Variants in FGF14 observed in about 807,000 individuals in gnomAD.
The protein encoded by FGF14 is fibroblast growth factor 14, also known as fibroblast growth factor homologous factor 4.
FGF14 carries 5 observed loss-of-function variants against 25.5 expected under a neutral mutation model. That is an observed-to-expected ratio of 0.20 (90% CI 0.10 to 0.41). The LOEUF is 0.41. Ranked by LOEUF, FGF14 falls within the 10% of genes least tolerant of loss-of-function variation. The pLI is 1.00. For synonymous variants in FGF14, 138 were observed against 118.3 expected (o/e 1.17, Z -1.08); for missense variants, 222 against 320.1 (o/e 0.69, Z 2.34).
At chr13:101,881,901 G>T (rs1335172751) in intron 1 of FGF14, among the ~76,000 whole-genome samples, 1 of 152,062 alleles carries the variant, frequency 6.6e-6, no homozygotes, top group East Asian at 1.9e-4. Flanking sequence ...GAACTTTTAT[G>T]TATCCTTCTA....
At chr13:101,757,030 C>A (rs1451216588) in intron 3 of FGF14, among the ~76,000 whole-genome samples, 1 of 152,090 alleles carries the variant, frequency 6.6e-6, no homozygotes, top group Non-Finnish European at 1.5e-5. Context: ...ACTCTGATAT[C>A]AAACCGAGAG....
At chr13:102,321,697 G>A (rs558449651) in intron 1 of FGF14, among the ~76,000 whole-genome samples, 1 of 152,180 alleles carries the variant, frequency 6.6e-6, no homozygotes, top group African/African-American at 2.4e-5. Context: ...AACTTGGGTA[G>A]GGCATACCAA....
chr13:101,999,000 T>C (rs1446352303), intron 1 of FGF14, among the ~76,000 whole-genome samples: 1 of 152,206 alleles, frequency 6.6e-6, no homozygotes, highest in Non-Finnish European at 1.5e-5. Context: ...GGTTCACCTA[T>C]TTATTAACCC....
chr13:102,037,871 G>C (rs1249897449), intron 1 of FGF14, among the ~76,000 whole-genome samples: 1 of 151,996 alleles, frequency 6.6e-6, no homozygotes, highest in Non-Finnish European at 1.5e-5. Flanking sequence ...GTACTCCCTA[G>C]AAAGTATAAA....
At chr13:102,016,309 T>A (rs1012624153) in intron 1 of FGF14, among the ~76,000 whole-genome samples, 2 of 152,138 alleles carry the variant, frequency 1.3e-5, no homozygotes, top group African/African-American at 4.8e-5. Context: ...TAACCTGCTA[T>A]CAGGATAATT....
At chr13:102,009,206 T>C (rs1277355260) in intron 1 of FGF14, among the ~76,000 whole-genome samples, 2 of 152,202 alleles carry the variant, frequency 1.3e-5, no homozygotes, top group Non-Finnish European at 2.9e-5. Flanking sequence ...AAGATCATGC[T>C]TGAAATCATA....
At chr13:101,824,577 T>A (rs540983971) in intron 3 of FGF14, among the ~76,000 whole-genome samples, 1 of 152,184 alleles carries the variant, frequency 6.6e-6, no homozygotes, top group African/African-American at 2.4e-5. Context: ...GATTTTTGAT[T>A]AAAAAATATT....
At chr13:102,275,254 C>CTCTCTT (rs779700052) in intron 1 of FGF14, among the ~76,000 whole-genome samples, 18 of 91,014 alleles carry the variant, frequency 2.0e-4, no homozygotes, top group African/African-American at 9.2e-4. Context: ...CTCTCTCTCT[C>CTCTCTT]TCTCTCTTTC....
chr13:102,191,755 T>C lies in FGF14; in HGVS notation c.208+209716A>G, dbSNP rs565575735. ...AGTACAAAGTCTCATTTAAATAGTA[T>C]CTAAATCAAATATAAGTAAGCCTTA... is the stretch of plus-strand genomic sequence containing the variant. On this transcript the variant is annotated intron_variant, in intron 1 of 4. Transcript: ENST00000376131. 2.6e-5 allele frequency among the ~76,000 whole-genome samples: 4 copies of C among 152,246 alleles called. No homozygotes were observed. The South Asian group carries it at 8.3e-4, about 32-fold the overall frequency.
chr13:102,211,273 C>CA (rs538411415), intron 1 of FGF14, among the ~76,000 whole-genome samples: 1 of 151,736 alleles, frequency 6.6e-6, no homozygotes, highest in Non-Finnish European at 1.5e-5. Context: ...ATTTTCATTC[C>CA]AAAAAAATAC....
At chr13:101,993,240 C>G (rs9513973) in intron 1 of FGF14, among the ~76,000 whole-genome samples, 3 of 149,438 alleles carry the variant, frequency 2.0e-5, no homozygotes, top group Admixed American at 2.0e-4. Flanking sequence ...ACCTGGAATT[C>G]TATATCCTGA....
chr13:101,928,398 G>A (rs1004589666), intron 1 of FGF14, among the ~76,000 whole-genome samples: 5 of 130,442 alleles, frequency 3.8e-5, no homozygotes, highest in Non-Finnish European at 6.1e-5. Context: ...TTGCTGTGGT[G>A]TGTGTGTGTG....
intron 3 of FGF14, among the ~76,000 whole-genome samples, chr13:101,768,294 T>C (rs764803654): frequency 8.5e-5 from 13 of 152,068 alleles, no homozygotes; most frequent in Non-Finnish European, 1.6e-4. Flanking sequence ...AGGAGAACTG[T>C]AAGGCTCTAA....
At chr13:102,267,937 T>C (rs921250599) in intron 1 of FGF14, among the ~76,000 whole-genome samples, 1 of 151,996 alleles carries the variant, frequency 6.6e-6, no homozygotes, top group African/African-American at 2.4e-5. Flanking sequence ...CTGATGTTTT[T>C]CATGCCTCAA....
At chr13:101,973,007 G>C (rs906249072) in intron 1 of FGF14, among the ~76,000 whole-genome samples, 2 of 152,114 alleles carry the variant, frequency 1.3e-5, no homozygotes, top group African/African-American at 4.8e-5. Context: ...TTGCTCGGTG[G>C]ATTGGACAAA....
At chr13:102,030,817 T>C (rs2041172341) in intron 1 of FGF14, among the ~76,000 whole-genome samples, 1 of 152,024 alleles carries the variant, frequency 6.6e-6, no homozygotes, top group Non-Finnish European at 1.5e-5. Context: ...TTTGTTCCCA[T>C]AAAAATCTAG....
intron 1 of FGF14, among the ~76,000 whole-genome samples, chr13:102,319,639 G>A (rs1468686136): frequency 3.9e-5 from 6 of 152,246 alleles, no homozygotes. Context: ...AATGTAAGCA[G>A]TGTCAGGAAA....
At chr13:102,395,866 A>C (rs1022779022) in intron 1 of FGF14, among the ~76,000 whole-genome samples, 7 of 152,130 alleles carry the variant, frequency 4.6e-5, no homozygotes, top group African/African-American at 1.7e-4. Context: ...TTTTGCCTTC[A>C]AGTTTAGGAA....
intron 1 of FGF14, among the ~76,000 whole-genome samples, chr13:102,102,715 G>T (rs1432851017): frequency 6.6e-6 from 1 of 152,184 alleles, no homozygotes; most frequent in Non-Finnish European, 1.5e-5. Context: ...ACTTTCATAT[G>T]CATTTTTCAT....
Sources: allele counts gnomAD v4.1 joint callset (sites outside exome capture counted in the v4.1 genomes callset), GRCh38; gene constraint gnomAD v4.1.1; transcripts MANE v1.5; gene names NCBI Gene and HGNC (gene_info 2026-07-23, HGNC 2026-07-21).